The following PLEKHH2 variants were observed in gnomAD, a reference collection of about 807,000 sequenced individuals.
PLEKHH2 encodes pleckstrin homology, MyTH4 and FERM domain containing H2, also known as pleckstrin homology domain-containing family H member 2.
Under a neutral mutation model 187.9 loss-of-function variants are expected in PLEKHH2, and 129 were observed. The observed-to-expected ratio is 0.69, with a 90% CI of 0.59 to 0.79. The LOEUF (loss-of-function observed/expected upper bound fraction) is 0.79. PLEKHH2 is among the 30% of genes least tolerant of loss of function. The pLI, the probability that PLEKHH2 is intolerant of heterozygous loss-of-function variation, is 0.00. For synonymous variants in PLEKHH2, 686 were observed against 605.6 expected (o/e 1.13, Z -1.95); for missense variants, 2,076 against 1,751.2 (o/e 1.19, Z -3.31).
chr2:43,674,340 C>G (rs1286802303), intron 2 of PLEKHH2, among the ~76,000 whole-genome samples: 1 of 152,114 alleles, frequency 6.6e-6, no homozygotes, highest in African/African-American at 2.4e-5. Context: ...CCAAATTTCC[C>G]TGAAAATAGA....
chr2:43,748,760 CTT>C (rs35066741), intron 24 of PLEKHH2, among the ~76,000 whole-genome samples: 5 of 146,622 alleles, frequency 3.4e-5, no homozygotes, highest in Admixed American at 6.8e-5. Context: ...TTCAGGCATT[CTT>C]TTTTTTTTTT....
intron 2 of PLEKHH2, among the ~76,000 whole-genome samples, chr2:43,657,978 T>C (rs774413535): frequency 6.6e-6 from 1 of 152,250 alleles, no homozygotes; most frequent in Non-Finnish European, 1.5e-5. Flanking sequence ...TAAATTGTCC[T>C]TGCAGAAGGT....
chr2:43,688,963 C>G (rs1668659800), intron 3 of PLEKHH2, among the ~76,000 whole-genome samples: 1 of 151,760 alleles, frequency 6.6e-6, no homozygotes, highest in Non-Finnish European at 1.5e-5. Context: ...TCCAGCCCAC[C>G]CAGAGGTCAA....
At position 43,704,383 on chromosome 2, in the gene PLEKHH2, C is replaced by T. The variant is rs555886259; in HGVS notation, c.1726+327C>T. 3.9e-5 allele frequency among the ~76,000 whole-genome samples: 6 copies of T among 152,100 alleles called. No individual in the cohort carries two copies. The South Asian group carries it at 1.0e-3, about 26-fold the overall frequency. ...ACAATTAAAAATGATTAAGATGGGCCGGGCACGGTGGCTCGCGCCTGTTAT... is the reference window on the plus strand; with the variant it reads ...ACAATTAAAAATGATTAAGATGGGCTGGGCACGGTGGCTCGCGCCTGTTAT... On this transcript the variant is annotated intron_variant, in intron 9 of 29. Transcript: ENST00000282406.
intron 24 of PLEKHH2, among the ~76,000 whole-genome samples, chr2:43,750,842 G>C (rs1671980167): frequency 6.6e-6 from 1 of 152,140 alleles, no homozygotes; most frequent in African/African-American, 2.4e-5. Flanking sequence ...GAAGCCTTGG[G>C]AATTCCAAGG....
intron 2 of PLEKHH2, among the ~76,000 whole-genome samples, chr2:43,657,910 C>G (rs1408786653): frequency 2.0e-5 from 3 of 152,144 alleles, no homozygotes; most frequent in African/African-American, 4.8e-5. Context: ...GTTTTGCCCT[C>G]CTTCTTCTGT....
intron 1 of PLEKHH2, among the ~76,000 whole-genome samples, chr2:43,640,072 T>C (rs1271427870): frequency 6.6e-6 from 1 of 152,170 alleles, no homozygotes; most frequent in Non-Finnish European, 1.5e-5. Flanking sequence ...TGTGGATGTG[T>C]ATTTCATCCC....
At chr2:43,758,441 C>T (rs1377141441) in intron 26 of PLEKHH2, among the ~76,000 whole-genome samples, 3 of 152,016 alleles carry the variant, frequency 2.0e-5, no homozygotes, top group East Asian at 1.9e-4. Flanking sequence ...TTAGTAGAGA[C>T]GGGGTTTCAC....
intron 2 of PLEKHH2, among the ~76,000 whole-genome samples, chr2:43,673,614 G>C (rs1282909020): frequency 6.6e-6 from 1 of 152,084 alleles, no homozygotes; most frequent in African/African-American, 2.4e-5. Context: ...GGTAGAAATA[G>C]GCTGCTTAAA....
chr2:43,647,380 A>G (rs969348100), intron 2 of PLEKHH2, among the ~76,000 whole-genome samples: 2 of 152,238 alleles, frequency 1.3e-5, no homozygotes, highest in Non-Finnish European at 2.9e-5. Flanking sequence ...AGTGGAGCCA[A>G]GATTCAAACC....
At chr2:43,650,631 C>CTTTCTTCT (rs1402620751) in intron 2 of PLEKHH2, among the ~76,000 whole-genome samples, 1 of 151,198 alleles carries the variant, frequency 6.6e-6, no homozygotes, top group African/African-American at 2.4e-5. Flanking sequence ...AAAGCATTAC[C>CTTTCTTCT]TTTCTTCTTT....
chr2:43,692,034 A>G (rs560724518), intron 3 of PLEKHH2, among the ~76,000 whole-genome samples: 1 of 152,212 alleles, frequency 6.6e-6, no homozygotes, highest in Admixed American at 6.5e-5. Context: ...TTGGGGCTTT[A>G]AGGTTGTTTT....
chr2:43,638,248 A>AAC (rs70965309), intron 1 of PLEKHH2, among the ~76,000 whole-genome samples: 5,304 of 148,772 alleles, frequency 0.036, 105 homozygotes, highest in East Asian at 0.075. Flanking sequence ...AAGATCTTTT[A>AAC]ACACACACAC....
chr2:43,758,504 C>T (rs1572670695), intron 26 of PLEKHH2, among the ~76,000 whole-genome samples: 1 of 152,188 alleles, frequency 6.6e-6, no homozygotes, highest in South Asian at 2.1e-4. Context: ...CCTCCCGCCT[C>T]GGCCTCCCAA....
chr2:43,753,508 C>G (rs1672085944), intron 24 of PLEKHH2, 111 bp from the exon 25 acceptor site: 1 of 741,564 alleles, frequency 1.3e-6, no homozygotes, highest in African/African-American at 1.9e-5. Flanking sequence ...AAGTTCATAC[C>G]ACTTAGAGTA....
rs565206392 is a variant in PLEKHH2, at chr2:43,685,926, T to C, written c.187-6588T>C. Among the ~76,000 whole-genome samples, 89 of 152,326 alleles carry C rather than the reference T, an allele frequency of 5.8e-4. 1 individual carries two copies. Among genetic ancestry groups the C allele is most frequent in the African/African-American group, 1.9e-3 (81 of 41,584 alleles). ...GGTGGATACCTTAATATATTACATT[T>C]ATTTATGCTGACCAACTGGGGTAGA... On this transcript the variant is annotated intron_variant, in intron 3 of 29. Coordinates refer to ENST00000282406, the MANE Select transcript of PLEKHH2 (RefSeq NM_172069.4).
chr2:43,755,646 C>A (rs904096949), intron 25 of PLEKHH2, among the ~76,000 whole-genome samples: 4 of 152,144 alleles, frequency 2.6e-5, no homozygotes, highest in African/African-American at 9.7e-5. Context: ...GCTGACATAG[C>A]TTGAGAGCCA....
Position 43,648,525 on chromosome 2 carries a change from G to A in PLEKHH2, c.123+3729G>A, listed in dbSNP as rs113830482. 5.4e-3 allele frequency among the ~76,000 whole-genome samples: 820 copies of A among 150,602 alleles called. 6 individuals carry two copies. Among genetic ancestry groups the A allele is most frequent in the African/African-American group, 0.019 (784 of 41,042 alleles). Reference sequence around the variant, plus strand: ...CTTTCTGAATGGACACACTGGTTAAGTGAACAGGGGAGGTGACCTAAATGT... The same window carrying A: ...CTTTCTGAATGGACACACTGGTTAAATGAACAGGGGAGGTGACCTAAATGT... On this transcript the variant is annotated intron_variant, in intron 2 of 29. Transcript: ENST00000282406.
intron 16 of PLEKHH2, among the ~76,000 whole-genome samples, chr2:43,725,679 G>A (rs982414811): frequency 6.6e-6 from 1 of 152,200 alleles, no homozygotes; most frequent in Non-Finnish European, 1.5e-5. Context: ...CTGCATAAAA[G>A]TAGCATCTTG....
Sources: allele counts gnomAD v4.1 joint callset (sites outside exome capture counted in the v4.1 genomes callset), GRCh38; gene constraint gnomAD v4.1.1; transcripts MANE v1.5; gene names NCBI Gene and HGNC (gene_info 2026-07-23, HGNC 2026-07-21).